The following SGCA variants were observed in gnomAD, a reference collection of about 807,000 sequenced individuals.
SGCA encodes sarcoglycan alpha.
SGCA carries 34 observed loss-of-function variants against 38.1 expected under a neutral mutation model. The ratio of observed to expected loss-of-function variants is 0.89; its 90% confidence interval spans 0.68 to 1.19. The LOEUF (loss-of-function observed/expected upper bound fraction) is 1.19, where lower values mean the gene tolerates loss of function less well. SGCA is among the 50% of genes most tolerant of loss of function. The pLI, the probability that SGCA is intolerant of heterozygous loss-of-function variation, is 0.00. For synonymous variants in SGCA, 209 were observed against 214.6 expected (o/e 0.97, Z 0.23); for missense variants, 476 against 524.9 (o/e 0.91, Z 0.91).
chr17:50,175,057 A>G, intron 8 of SGCA, 200 bp from the exon 9 acceptor site: 8 of 635,760 alleles, frequency 1.3e-5, no homozygotes, highest in South Asian at 8.7e-5. Flanking sequence ...TTGGCCTCCC[A>G]AAGTGCTGGG....
At chr17:50,175,163 T>C in intron 8 of SGCA, 94 bp from the exon 9 acceptor site, 3 of 1,156,594 alleles carry the variant, frequency 2.6e-6, no homozygotes, top group Non-Finnish European at 1.3e-6. Flanking sequence ...ACATAAGTGG[T>C]GGGGAGGACC....
chr17:50,171,537 C>A, intron 8 of SGCA: 1 of 456,800 alleles, frequency 2.2e-6, no homozygotes, highest in South Asian at 1.5e-5. Context: ...ACTTGGCCAC[C>A]CTTCGAACCC....
chr17:50,170,144 T>C lies in SGCA; in HGVS notation c.749T>C (p.Val250Ala). ...GTCAGCCCTGAGCTCTCTGTGCAGG[T>C]GGATAAGTCAGTGCCGGAGCCTGCA... ...FRVDWCNVTL[V>A]DKSVPEPADE... Residue 250 changes from valine (V) to alanine (A), a missense_variant and splice_region_variant, in exon 7 of 10, where the codon GTG (valine) becomes GCG (alanine). Transcript: ENST00000262018. The C allele has an allele frequency of 6.2e-7, 1 of 1,613,828 alleles. No individual in the cohort carries two copies. The highest frequency in any genetic ancestry group is 8.5e-7 in the Non-Finnish European group (1 of 1,179,780).
At chr17:50,173,482 C>T (rs1467324903) in intron 8 of SGCA, among the ~76,000 whole-genome samples, 4 of 152,086 alleles carry the variant, frequency 2.6e-5, no homozygotes, top group East Asian at 1.9e-4. Flanking sequence ...GTGGAAGGAC[C>T]GTGGGGAAGC....
At chr17:50,169,412 G>GACACACACAC in intron 6 of SGCA, 158 bp downstream of exon 6, 1 of 329,284 alleles carries the variant, frequency 3.0e-6, no homozygotes. Flanking sequence ...TTAGTCTGAG[G>GACACACACAC]ATACACACAC....
rs1197856061 is a variant in SGCA at position 50,175,244 on chromosome 17, C to T, written c.984-13C>T. The stretch of plus-strand genomic sequence containing the variant: ...GACTCCCAGAGCTGATGACTCCCCA[C>T]CTGTGCCTCCAGCATCCAGATGGTC... On this transcript the variant is annotated splice_polypyrimidine_tract_variant and intron_variant, in intron 8 of 9. Coordinates refer to ENST00000262018, the MANE Select transcript of SGCA (RefSeq NM_000023.4). 2 of 1,593,354 alleles carry T rather than the reference C, an allele frequency of 1.3e-6. No individual in the cohort carries two copies. Among genetic ancestry groups the T allele is most frequent in the Non-Finnish European group, 1.7e-6 (2 of 1,170,788 alleles).
chr17:50,175,143 G>A (rs1905821518), intron 8 of SGCA, 114 bp from the exon 9 acceptor site: 1 of 967,322 alleles, frequency 1.0e-6, no homozygotes, highest in Non-Finnish European at 1.6e-6. Flanking sequence ...ATGTGTCTGA[G>A]TCTCTCCCCA....
At chr17:50,168,822 A>G (rs949251937) in intron 5 of SGCA, among the ~76,000 whole-genome samples, 2 of 152,016 alleles carry the variant, frequency 1.3e-5, no homozygotes, top group South Asian at 4.2e-4. Context: ...ATCCATTAAA[A>G]GACATTCCTT....
chr17:50,173,714 G>A (rs538450247), intron 8 of SGCA, among the ~76,000 whole-genome samples: 75 of 152,198 alleles, frequency 4.9e-4, no homozygotes, highest in African/African-American at 1.8e-3. Flanking sequence ...CCCTTGCCTG[G>A]GAATAGAAAA....
intron 4 of SGCA, 90 bp downstream of exon 4, chr17:50,168,109 C>A: frequency 7.8e-7 from 1 of 1,276,480 alleles, no homozygotes; most frequent in Non-Finnish European, 1.1e-6. Flanking sequence ...ACAGGAGAGG[C>A]TTGGAGAGGA....
chr17:50,169,048 C>A, intron 5 of SGCA, 44 bp from the exon 6 acceptor site: 1 of 1,594,318 alleles, frequency 6.3e-7, no homozygotes, highest in Non-Finnish European at 8.6e-7. Context: ...TGCCTCGTGC[C>A]CCCTGCCCCC....
chr17:50,175,527 G>A (rs1905872707), intron 9 of SGCA, 78 bp downstream of exon 9: 1 of 1,327,236 alleles, frequency 7.5e-7, no homozygotes, highest in African/African-American at 1.4e-5. Context: ...AAATGGTGGG[G>A]TCTGGGAGAG....
chr17:50,167,598 C>G lies in SGCA; in HGVS notation c.174C>G (p.Val58=), dbSNP rs1167800537. 1 of 1,613,684 alleles carries G rather than the reference C, an allele frequency of 6.2e-7. No individual in the cohort carries two copies. The highest frequency in any genetic ancestry group is 2.2e-5 in the East Asian group (1 of 44,870). ...TTCCACCAGCTGTCCCACCCGCTGT[C>G]CACATCACCTACCACGCCCACCTCC... ...LPEHVAVPPA[V]HITYHAHLQG... is the part of the protein sequence containing the mutation. Residue 58 remains valine (V), a synonymous_variant, in exon 3 of 10, where the codon GTC becomes GTG. Transcript: ENST00000262018. The surrounding 1 kb of genome is among the most constrained non-coding windows in gnomAD (Gnocchi z 4.5).
At chr17:50,173,288 C>T (rs1375014328) in intron 8 of SGCA, among the ~76,000 whole-genome samples, 1 of 152,190 alleles carries the variant, frequency 6.6e-6, no homozygotes, top group African/African-American at 2.4e-5. Flanking sequence ...TTTCAGCGGT[C>T]ACAGAGTCCT....
At chr17:50,166,717 ACACACACCCTCACACACACCCT>A in intron 1 of SGCA, among the ~76,000 whole-genome samples, 1 of 100,188 alleles carries the variant, frequency 1.0e-5, no homozygotes, top group African/African-American at 4.0e-5. Context: ...GCACCCTCAC[ACACACACCCTCACACACACCCT>A]CACACACCCT....
Position 50,169,093 on chromosome 17 carries a change from G to T in SGCA, c.586G>T (p.Val196Leu), listed in dbSNP as rs752695991. ...ACAGTGACTTCTATCTGGTCCCAGG[G>T]TATACATTAAGGTGGGTTCTGCCTC... ...PLPIEGRKEG[V>L]YIKVGSASPF... The change falls in exon 6 of 10, where the codon GTA (valine) becomes TTA (leucine). Residue 196 changes from valine (V) to leucine (L), a missense_variant and splice_region_variant. Coordinates refer to ENST00000262018, the MANE Select transcript of SGCA (RefSeq NM_000023.4). 1 of 1,613,728 alleles carries T rather than the reference G, an allele frequency of 6.2e-7. No individual in the cohort carries two copies. The highest frequency in any genetic ancestry group is 1.1e-5 in the South Asian group (1 of 91,088).
chr17:50,172,557 T>G (rs1905543382), intron 8 of SGCA: 1 of 299,716 alleles, frequency 3.3e-6, no homozygotes, highest in South Asian at 3.0e-5. Context: ...CATAGCTCAC[T>G]GCAACCTCAG....
At position 50,171,012 on chromosome 17, in the gene SGCA, C is replaced by T. The variant is rs144192798; in HGVS notation, c.983+346C>T. On this transcript the variant is annotated intron_variant, in intron 8 of 9. Coordinates refer to ENST00000262018, the MANE Select transcript of SGCA (RefSeq NM_000023.4). ...CTGGGAGATTGAGGCTGCAGTGAGCCGTAATCGTGCCACGGCACTCCAGCC... is the reference window on the plus strand; with the variant it reads ...CTGGGAGATTGAGGCTGCAGTGAGCTGTAATCGTGCCACGGCACTCCAGCC... Among the ~76,000 whole-genome samples, 53 of 152,250 alleles carry T rather than the reference C, an allele frequency of 3.5e-4. No individual in the cohort carries two copies. The East Asian group carries it at 9.3e-3, about 27-fold the overall frequency.
At chr17:50,172,450 T>C (rs1007098582) in intron 8 of SGCA, 2 of 362,174 alleles carry the variant, frequency 5.5e-6, no homozygotes, top group African/African-American at 4.2e-5. Context: ...CACATATGCA[T>C]GTGTGTGTGC....
Sources: allele counts gnomAD v4.1 joint callset (sites outside exome capture counted in the v4.1 genomes callset), GRCh38; gene constraint gnomAD v4.1.1; non-coding constraint Gnocchi (gnomAD v3.1); transcripts MANE v1.5; gene names NCBI Gene and HGNC (gene_info 2026-07-23, HGNC 2026-07-21).